SUPT3H: variants seen among roughly 807,000 people sequenced by gnomAD.
SUPT3H encodes transcription initiation protein SPT3 homolog.
SUPT3H carries 44 observed loss-of-function variants against 44.3 expected under a neutral mutation model. The observed-to-expected ratio is 0.99, with a 90% CI of 0.78 to 1.28. SUPT3H has a LOEUF of 1.28. Among genes scored for constraint, SUPT3H ranks in the 50% most tolerant of loss-of-function variants. The probability of loss-of-function intolerance (pLI) is 0.00; values close to 1 mark genes in which losing one functional copy is unlikely to be tolerated. For missense variants in SUPT3H, 380 were observed against 387.1 expected, an observed-to-expected ratio of 0.98 and a Z score of 0.15; for synonymous variants, 124 against 125.6, an observed-to-expected ratio of 0.99 and a Z score of 0.09.
intron 3 of SUPT3H, among the ~76,000 whole-genome samples, chr6:45,074,292 T>C (rs975081556): frequency 6.6e-6 from 1 of 151,954 alleles, no homozygotes; most frequent in African/African-American, 2.4e-5. Flanking sequence ...AGATAATAGA[T>C]ACCATATAAA....
intron 10 of SUPT3H, among the ~76,000 whole-genome samples, chr6:44,883,800 G>A (rs1306198282): frequency 6.6e-6 from 1 of 152,072 alleles, no homozygotes; most frequent in Non-Finnish European, 1.5e-5. Context: ...AATGGTGTTG[G>A]GAAAACTGGC....
intron 7 of SUPT3H, among the ~76,000 whole-genome samples, chr6:44,957,224 T>C (rs992191075): frequency 3.3e-5 from 5 of 152,186 alleles, no homozygotes; most frequent in African/African-American, 1.2e-4. Context: ...CTATATAGAA[T>C]CTTCAGGATT....
chr6:45,197,282 T>A (rs1816217905), intron 2 of SUPT3H, among the ~76,000 whole-genome samples: 1 of 151,618 alleles, frequency 6.6e-6, no homozygotes, highest in Non-Finnish European at 1.5e-5. Context: ...CATTTCAGAT[T>A]TTTTCATGAA....
intron 6 of SUPT3H, among the ~76,000 whole-genome samples, chr6:44,970,417 T>C (rs982035087): frequency 1.3e-5 from 2 of 152,140 alleles, no homozygotes; most frequent in African/African-American, 4.8e-5. Flanking sequence ...TAGTACCAAT[T>C]TTTGCTAATG....
Position 45,357,478 on chromosome 6 carries a change from C to T in SUPT3H, c.101+7723G>A, listed in dbSNP as rs757306900. Among the ~76,000 whole-genome samples, 47 of 152,080 alleles carry T rather than the reference C, an allele frequency of 3.1e-4. 1 individual carries two copies. The highest frequency in any genetic ancestry group is 7.9e-4 in the Admixed American group (12 of 15,262). On this transcript the variant is annotated intron_variant, in intron 2 of 10. Transcript: ENST00000371459. ...CCCAAGTAGCTGGGACTACAGGGCC[C>T]AGATAATTGCTTTTAATTTTATTTT...
At position 45,142,943 on chromosome 6, in the gene SUPT3H, G is replaced by A. The variant is rs547985936; in HGVS notation, c.102-36937C>T. 9.3e-4 allele frequency among the ~76,000 whole-genome samples: 140 copies of A among 150,850 alleles called. 1 individual carries two copies. The highest frequency in any genetic ancestry group is 3.3e-3 in the African/African-American group (134 of 40,968). On this transcript the variant is annotated intron_variant, in intron 2 of 10. Coordinates refer to ENST00000371459, the MANE Select transcript of SUPT3H (RefSeq NM_003599.4). The stretch of plus-strand genomic sequence containing the variant: ...CAGACAAAACAGATTTTAAAGCAAC[G>A]ACAATTAAAAAAAAAGACAAAGAGG...
At chr6:45,209,051 A>G (rs549542475) in intron 2 of SUPT3H, among the ~76,000 whole-genome samples, 5 of 152,338 alleles carry the variant, frequency 3.3e-5, no homozygotes, top group African/African-American at 1.2e-4. Flanking sequence ...TACTTACAGC[A>G]TGGTTCACTG....
chr6:45,188,005 C>T (rs1310414823), intron 2 of SUPT3H, among the ~76,000 whole-genome samples: 2 of 152,234 alleles, frequency 1.3e-5, no homozygotes, highest in East Asian at 3.8e-4. Context: ...TGAAATCTCA[C>T]TCTGGCCCAC....
chr6:45,194,645 A>C lies in SUPT3H; in HGVS notation c.102-88639T>G, dbSNP rs181710770. On this transcript the variant is annotated intron_variant, in intron 2 of 10. Coordinates refer to ENST00000371459, the MANE Select transcript of SUPT3H (RefSeq NM_003599.4). ...ACACACACATATGTATACAATCAAA[A>C]GAAGTTCTCTAAAGTGGCATCAAGG... 1.2e-4 allele frequency among the ~76,000 whole-genome samples: 19 copies of C among 152,306 alleles called. No individual in the cohort carries two copies. The East Asian group carries it at 3.7e-3, about 29-fold the overall frequency.
At chr6:44,911,437 T>C (rs2153453079) in intron 10 of SUPT3H, among the ~76,000 whole-genome samples, 1 of 152,336 alleles carries the variant, frequency 6.6e-6, no homozygotes, top group African/African-American at 2.4e-5. Flanking sequence ...CAAAAGACGA[T>C]GCATTACTTA....
intron 2 of SUPT3H, among the ~76,000 whole-genome samples, chr6:45,353,589 TCTAA>T (rs538800955): frequency 5.8e-4 from 89 of 152,162 alleles, no homozygotes; most frequent in Admixed American, 1.4e-3. Flanking sequence ...GAAAAATTAT[TCTAA>T]CTTAGAACCC....
At chr6:45,019,696 T>C (rs186011932) in intron 4 of SUPT3H, among the ~76,000 whole-genome samples, 1 of 151,998 alleles carries the variant, frequency 6.6e-6, no homozygotes, top group Non-Finnish European at 1.5e-5. Context: ...TCTGGCGCCT[T>C]GTACCTAAGA....
intron 2 of SUPT3H, among the ~76,000 whole-genome samples, chr6:45,295,548 A>AAAAAAC (rs1781041003): frequency 3.3e-5 from 3 of 90,248 alleles, no homozygotes; most frequent in African/African-American, 4.2e-5. Flanking sequence ...AAAAAAAAAA[A>AAAAAAC]AAAAAACAGC....
chr6:44,932,541 C>A, intron 10 of SUPT3H, 112 bp downstream of exon 10: 1 of 674,994 alleles, frequency 1.5e-6, no homozygotes. Context: ...AACAAAATTA[C>A]AGTCACCACA....
intron 2 of SUPT3H, among the ~76,000 whole-genome samples, chr6:45,288,738 T>G (rs1779810581): frequency 6.6e-6 from 1 of 151,058 alleles, no homozygotes; most frequent in African/African-American, 2.4e-5. Context: ...ATATTCTAAA[T>G]ATTCACCGTT....
Position 44,870,999 on chromosome 6 carries a change from G to A in SUPT3H, c.913-41142C>T, listed in dbSNP as rs62437998. ...CCACACCTGGCTCAGAGGGTCCTAT[G>A]CCCACGGAATCTCGCTGATTGCTAG... On this transcript the variant is annotated intron_variant, in intron 10 of 10. Coordinates refer to ENST00000371459, the MANE Select transcript of SUPT3H (RefSeq NM_003599.4). 6.8e-3 allele frequency among the ~76,000 whole-genome samples: 1,019 copies of A among 150,956 alleles called. 7 individuals carry two copies. Among genetic ancestry groups the A allele is most frequent in the Non-Finnish European group, 8.6e-3 (579 of 67,474 alleles).
chr6:45,100,051 C>G (rs978286606), intron 3 of SUPT3H, among the ~76,000 whole-genome samples: 5 of 151,986 alleles, frequency 3.3e-5, no homozygotes, highest in Admixed American at 6.6e-5. Context: ...GAAAAATAAA[C>G]TAGACCCCTA....
At chr6:45,303,671 T>TAAAAAAA (rs36119324) in intron 2 of SUPT3H, among the ~76,000 whole-genome samples, 11 of 112,850 alleles carry the variant, frequency 9.7e-5, no homozygotes, top group East Asian at 7.3e-4. Context: ...ATTCTAGAAG[T>TAAAAAAA]AAAAAAAAAA....
chr6:45,078,948 A>G (rs972664648), intron 3 of SUPT3H, among the ~76,000 whole-genome samples: 1 of 152,164 alleles, frequency 6.6e-6, no homozygotes, highest in Non-Finnish European at 1.5e-5. Context: ...CTAACATGGG[A>G]CATTTGTGCT....
Sources: allele counts gnomAD v4.1 joint callset (sites outside exome capture counted in the v4.1 genomes callset), GRCh38; gene constraint gnomAD v4.1.1; transcripts MANE v1.5; gene names NCBI Gene and HGNC (gene_info 2026-07-23, HGNC 2026-07-21).